Variants in SLC9A9 observed in about 807,000 individuals in gnomAD.
SLC9A9 encodes sodium/hydrogen exchanger 9.
SLC9A9 carries 62 observed loss-of-function variants against 77.8 expected under a neutral mutation model. The observed-to-expected ratio is 0.80, with a 90% CI of 0.65 to 0.98. SLC9A9 has a LOEUF of 0.98. Ranked by LOEUF, SLC9A9 falls within the 50% of genes least tolerant of loss-of-function variation. The pLI is 0.00. For synonymous variants in SLC9A9, 320 were observed against 283.5 expected (o/e 1.13, Z -1.29); for missense variants, 775 against 774.9 (o/e 1.00, Z 0.00).
chr3:143,493,476 T>C (rs1338362283), intron 11 of SLC9A9, among the ~76,000 whole-genome samples, 177 bp downstream of exon 11: 1 of 152,194 alleles, frequency 6.6e-6, no homozygotes, highest in Admixed American at 6.5e-5. Flanking sequence ...CATTTCCCAC[T>C]TGGAAAGAGA....
intron 5 of SLC9A9, among the ~76,000 whole-genome samples, chr3:143,677,275 G>T (rs1240239847): frequency 6.6e-6 from 1 of 151,750 alleles, no homozygotes; most frequent in Non-Finnish European, 1.5e-5. Context: ...AAATTTATAG[G>T]GGTCACCACT....
intron 11 of SLC9A9, among the ~76,000 whole-genome samples, chr3:143,474,723 A>G (rs2035439941): frequency 6.6e-6 from 1 of 152,014 alleles, no homozygotes; most frequent in East Asian, 1.9e-4. Context: ...TTCAGGGGAA[A>G]GGTTAGGATC....
chr3:143,304,741 C>T (rs1461706175), intron 14 of SLC9A9, among the ~76,000 whole-genome samples: 1 of 152,196 alleles, frequency 6.6e-6, no homozygotes, highest in Non-Finnish European at 1.5e-5. Flanking sequence ...CAAAATCCAT[C>T]TTGTATTAGT....
At chr3:143,322,625 C>T (rs1435521078) in intron 14 of SLC9A9, among the ~76,000 whole-genome samples, 1 of 152,184 alleles carries the variant, frequency 6.6e-6, no homozygotes, top group African/African-American at 2.4e-5. Flanking sequence ...AGGATCTACA[C>T]CTCATTTTAC....
intron 4 of SLC9A9, among the ~76,000 whole-genome samples, chr3:143,788,486 T>C (rs1233883862): frequency 6.6e-5 from 10 of 151,688 alleles, no homozygotes. Flanking sequence ...AGGTCAGGAG[T>C]TAGAGACCAG....
At chr3:143,757,868 T>C (rs1186023960) in intron 4 of SLC9A9, among the ~76,000 whole-genome samples, 1 of 152,038 alleles carries the variant, frequency 6.6e-6, no homozygotes, top group Non-Finnish European at 1.5e-5. Context: ...AATGTGAAGA[T>C]AACGAGATAA....
chr3:143,809,750 C>G (rs2008815108), intron 2 of SLC9A9, among the ~76,000 whole-genome samples: 1 of 152,140 alleles, frequency 6.6e-6, no homozygotes, highest in East Asian at 1.9e-4. Context: ...CCTAATAGAA[C>G]TTTTTGTGAT....
chr3:143,688,254 AT>A (rs375153590), intron 5 of SLC9A9, among the ~76,000 whole-genome samples: 46 of 149,168 alleles, frequency 3.1e-4, no homozygotes, highest in East Asian at 7.9e-4. Context: ...CCCAGTCTGG[AT>A]TTTTTTTTTC....
rs1197626704 is a variant in SLC9A9 at position 143,303,854 on chromosome 3, C to T, written c.1605-34874G>A. ...AGCCAAAAAAGACTTAGATTCAGGC[C>T]GGCAGAGGCACTGCCCTTGGTCCCC... is the stretch of plus-strand genomic sequence containing the variant. On this transcript the variant is annotated intron_variant, in intron 14 of 15. Coordinates refer to ENST00000316549, the MANE Select transcript of SLC9A9 (RefSeq NM_173653.4). 9.2e-5 allele frequency among the ~76,000 whole-genome samples: 14 copies of T among 152,268 alleles called. No homozygotes were observed. The East Asian group carries it at 1.4e-3, about 15-fold the overall frequency.
At chr3:143,532,838 C>T (rs12489597) in intron 9 of SLC9A9, among the ~76,000 whole-genome samples, 3,164 of 152,282 alleles carry the variant, frequency 0.021, 85 homozygotes, top group East Asian at 0.12. Context: ...CCAGGATCTC[C>T]CCTGTGATGA....
At chr3:143,776,437 A>G (rs1412359220) in intron 4 of SLC9A9, among the ~76,000 whole-genome samples, 1 of 152,224 alleles carries the variant, frequency 6.6e-6, no homozygotes, top group Non-Finnish European at 1.5e-5. Context: ...GTGAGAAAAT[A>G]TTAAATCTAA....
Position 143,394,285 on chromosome 3 carries a change from AG to A in SLC9A9, c.1470-12172del, listed in dbSNP as rs1206011113. 5.9e-5 allele frequency among the ~76,000 whole-genome samples: 9 copies of A among 152,342 alleles called. 1 individual carries two copies. Among genetic ancestry groups the A allele is most frequent in the African/African-American group, 2.2e-4 (9 of 41,592 alleles). ...AAGTGGGCTTCATCCCTGGGATGCA[AG>A]GCTGGTTCAACATATGCAAATCAAT... On this transcript the variant is annotated intron_variant, in intron 12 of 15. Coordinates refer to ENST00000316549, the MANE Select transcript of SLC9A9 (RefSeq NM_173653.4).
At chr3:143,362,838 G>A (rs1032126627) in intron 14 of SLC9A9, among the ~76,000 whole-genome samples, 5 of 152,160 alleles carry the variant, frequency 3.3e-5, no homozygotes, top group South Asian at 2.1e-4. Flanking sequence ...TTAGCCCCAC[G>A]AATCACATGG....
chr3:143,598,118 T>A (rs1033208035), intron 6 of SLC9A9, among the ~76,000 whole-genome samples: 1 of 152,096 alleles, frequency 6.6e-6, no homozygotes, highest in Non-Finnish European at 1.5e-5. Context: ...TTTTTTTTTT[T>A]AAATGAAAAT....
At chr3:143,508,112 G>C (rs2036054182) in intron 9 of SLC9A9, among the ~76,000 whole-genome samples, 1 of 152,164 alleles carries the variant, frequency 6.6e-6, no homozygotes, top group Non-Finnish European at 1.5e-5. Flanking sequence ...TGTCTGAACT[G>C]AATACCAAAA....
intron 14 of SLC9A9, among the ~76,000 whole-genome samples, chr3:143,294,477 G>A (rs570263548): frequency 1.2e-3 from 178 of 152,304 alleles, no homozygotes; most frequent in African/African-American, 3.1e-3. Flanking sequence ...AAAAGAGCCT[G>A]CTTCAGACAA....
chr3:143,396,004 C>G (rs1368393461), intron 12 of SLC9A9, among the ~76,000 whole-genome samples: 1 of 152,196 alleles, frequency 6.6e-6, no homozygotes, highest in Middle Eastern at 3.2e-3. Flanking sequence ...GTTGGTGGGA[C>G]TGTAAGCTAG....
chr3:143,268,347 T>C (rs910762794), intron 15 of SLC9A9, among the ~76,000 whole-genome samples: 2 of 152,124 alleles, frequency 1.3e-5, no homozygotes, highest in African/African-American at 4.8e-5. Context: ...CATTTTATGG[T>C]TAAAAATATT....
chr3:143,541,026 G>C (rs1356378342), intron 9 of SLC9A9, among the ~76,000 whole-genome samples: 1 of 151,966 alleles, frequency 6.6e-6, no homozygotes, highest in African/African-American at 2.4e-5. Flanking sequence ...AATGGCATTG[G>C]GTCTCCTGGT....
Sources: allele counts gnomAD v4.1 joint callset (sites outside exome capture counted in the v4.1 genomes callset), GRCh38; gene constraint gnomAD v4.1.1; transcripts MANE v1.5; gene names NCBI Gene and HGNC (gene_info 2026-07-23, HGNC 2026-07-21).